Variants in ARHGEF1 observed in about 807,000 individuals in gnomAD.
ARHGEF1 encodes the protein Rho guanine nucleotide exchange factor 1.
In ARHGEF1, 40 loss-of-function variants were observed where a neutral mutation model predicts 119.7. That is an observed-to-expected ratio of 0.33 (90% CI 0.26 to 0.44). The LOEUF is 0.44. Among genes scored for constraint, ARHGEF1 ranks in the 20% least tolerant of loss-of-function variants. The pLI is 1.00. For missense variants in ARHGEF1, 976 were observed against 1,268.3 expected, an observed-to-expected ratio of 0.77 and a Z score of 3.50; for synonymous variants, 494 against 521.0, an observed-to-expected ratio of 0.95 and a Z score of 0.71.
In ARHGEF1 at chr19:41,907,209, C is replaced by A; in HGVS notation, c.*122C>A. On this transcript the variant is annotated 3_prime_UTR_variant, in exon 29 of 29. Transcript: ENST00000354532. ...ACCCCGAGGGCCTGAGGAGAGGGAG[C>A]TGTGGGCCACGCCTGGGAGGGGCCC... is the stretch of plus-strand genomic sequence containing the variant. The A allele has an allele frequency of 6.6e-7, 1 of 1,518,800 alleles. No individual in the cohort carries two copies. The highest frequency in any genetic ancestry group is 8.8e-7 in the Non-Finnish European group (1 of 1,139,210). The allele number at this position is 1,518,800 out of a possible 1,614,324, so 94.1% of individuals were successfully genotyped here. A position where few individuals can be genotyped will look rare whatever the true frequency, so the allele number is the denominator to read the frequency against.
chr19:41,910,467 G>A (rs1419960972), downstream of ARHGEF1, among the ~76,000 whole-genome samples: 1 of 152,064 alleles, frequency 6.6e-6, no homozygotes, highest in African/African-American at 2.4e-5. The surrounding 1 kb of genome is among the most constrained non-coding windows in gnomAD (Gnocchi z 4.4). Flanking sequence ...ACTGCCCCCA[G>A]CCAGCCCTAG....
At chr19:41,921,940 TCTC>T (rs782095689), upstream of ARHGEF1, among the ~76,000 whole-genome samples, 17 of 86,614 alleles carry the variant, frequency 2.0e-4, no homozygotes, top group Non-Finnish European at 3.6e-4. The surrounding 1 kb of genome is among the most constrained non-coding windows in gnomAD (Gnocchi z 4.4). Flanking sequence ...ATCCTCTACC[TCTC>T]CTCCTGGTCC....
At chr19:41,896,320 T>C in intron 12 of ARHGEF1, 57 bp from the exon 13 acceptor site, 1 of 928,362 alleles carries the variant, frequency 1.1e-6, no homozygotes, top group East Asian at 3.0e-5. Context: ...GCCCCCAGAG[T>C]GTGGGTCTCG....
chr19:41,909,360 T>C, downstream of ARHGEF1: 1 of 1,236,040 alleles, frequency 8.1e-7, no homozygotes, highest in East Asian at 3.2e-5. This position sits in a 1 kb window ranked among gnomAD's most constrained non-coding sequence, Gnocchi z 5.2. Context: ...CAGTGGCAGC[T>C]GCCGCCATGT....
At chr19:41,929,930 C>T (rs560220979) in exon 3 of ARHGEF1, 20 of 152,360 alleles carry the variant, frequency 1.3e-4, no homozygotes, top group African/African-American at 4.3e-4. Flanking sequence ...TCACCACTCA[C>T]TCAGGCAAGT....
Position 41,902,326 on chromosome 19 carries a change from C to T in ARHGEF1, c.1467C>T (p.Ile489=), listed in dbSNP as rs782091470. Reference sequence around the variant, plus strand: ...GGAGGCAGGAGAGTGGCTACCTCATCGAGGAGATCGGAGACGTGCTGCTGG... The same window carrying T: ...GGAGGCAGGAGAGTGGCTACCTCATTGAGGAGATCGGAGACGTGCTGCTGG... The part of the protein sequence containing the change: ...MKRRQESGYL[I]EEIGDVLLAR... The change falls in exon 16 of 29, where the codon ATC becomes ATT. Residue 489 remains isoleucine (I), a synonymous_variant. Transcript: ENST00000354532. This position sits in a 1 kb window ranked among gnomAD's most constrained non-coding sequence, Gnocchi z 6.5. 10 of 1,614,118 alleles carry T rather than the reference C, an allele frequency of 6.2e-6. No individual in the cohort carries two copies. The highest frequency in any genetic ancestry group is 3.3e-5 in the Admixed American group (2 of 60,028).
chr19:41,901,635 T>C (rs919179381), intron 14 of ARHGEF1, among the ~76,000 whole-genome samples: 1 of 152,088 alleles, frequency 6.6e-6, no homozygotes, highest in Non-Finnish European at 1.5e-5. Context: ...AAATTTTTGG[T>C]AGAAACAGGG....
At chr19:41,920,476 A>C (rs1555852371), upstream of ARHGEF1, among the ~76,000 whole-genome samples, 3 of 149,032 alleles carry the variant, frequency 2.0e-5, no homozygotes, top group Non-Finnish European at 4.5e-5. Flanking sequence ...TGATGAACTC[A>C]CAGACGTGAC....
In ARHGEF1 at chr19:41,888,892, G is replaced by A. The variant is rs201818628; in HGVS notation, c.225+27G>A. ...TGAGGGCAGGGCTGGGTGGGCACAG[G>A]GAGGGGTGGGGCTGGGACAGGCACA... On this transcript the variant is annotated intron_variant, in intron 4 of 28. Transcript: ENST00000354532. The surrounding 1 kb of genome is among the most constrained non-coding windows in gnomAD (Gnocchi z 5.1). The A allele has an allele frequency of 6.3e-7, 1 of 1,583,502 alleles. No individual in the cohort carries two copies. Among genetic ancestry groups the A allele is most frequent in the African/African-American group, 1.3e-5 (1 of 74,264 alleles).
At chr19:41,925,203 A>C (rs1555853134) in intron 1 of ARHGEF1, among the ~76,000 whole-genome samples, 1 of 152,070 alleles carries the variant, frequency 6.6e-6, no homozygotes, top group South Asian at 2.1e-4. Flanking sequence ...AAATGATTTG[A>C]ATGTGTTACC....
At position 41,905,229 on chromosome 19, in the gene ARHGEF1, C is replaced by G. The variant is rs782690423; in HGVS notation, c.2304C>G (p.Ala768=). The G allele has an allele frequency of 9.3e-6, 15 of 1,613,874 alleles. No individual in the cohort carries two copies. In the South Asian group the frequency reaches 1.5e-4, roughly 17 times the overall value. Reference sequence around the variant, plus strand: ...GATCCCTGAAAGTCCCTGCCCCTGCCTCTCGCCCTAAGCCCCGGCCCAGCC... The same window carrying G: ...GATCCCTGAAAGTCCCTGCCCCTGCGTCTCGCCCTAAGCCCCGGCCCAGCC... The part of the protein sequence containing the change: ...TAGSLKVPAP[A]SRPKPRPSPS... Residue 768 remains alanine, a synonymous_variant, in exon 24 of 29, where the codon GCC becomes GCG. Coordinates refer to ENST00000354532, the MANE Select transcript of ARHGEF1 (RefSeq NM_004706.4). The surrounding 1 kb of genome is among the most constrained non-coding windows in gnomAD (Gnocchi z 6.4).
In ARHGEF1 at chr19:41,903,314, C is replaced by T; in HGVS notation, c.1746C>T (p.Pro582=). The T allele has an allele frequency of 6.2e-7, 1 of 1,613,882 alleles. No individual in the cohort carries two copies. The highest frequency in any genetic ancestry group is 2.2e-5 in the East Asian group (1 of 44,866). The change falls in exon 19 of 29, where the codon CCC becomes CCT. Residue 582 remains proline (P), a synonymous_variant. Coordinates refer to ENST00000354532, the MANE Select transcript of ARHGEF1 (RefSeq NM_004706.4). The surrounding 1 kb of genome is among the most constrained non-coding windows in gnomAD (Gnocchi z 4.2). ...LQSIGQNTEE[P]TEREKVELAA... ...TCTCTCCCTTGCCTGCAGAAGAGCC[C>T]ACAGAACGGGAGAAAGTGGAGCTGG...
At chr19:41,910,507 G>C (rs77890934), downstream of ARHGEF1, among the ~76,000 whole-genome samples, 1,167 of 152,186 alleles carry the variant, frequency 7.7e-3, 14 homozygotes, top group African/African-American at 0.027. The surrounding 1 kb of genome is among the most constrained non-coding windows in gnomAD (Gnocchi z 4.4). Flanking sequence ...ACCCTGCGGT[G>C]CCCTCAGCTC....
chr19:41,909,027 G>GC (rs1358065878), downstream of ARHGEF1: 1 of 1,173,916 alleles, frequency 8.5e-7, no homozygotes, highest in Non-Finnish European at 1.1e-6. The surrounding 1 kb of genome is among the most constrained non-coding windows in gnomAD (Gnocchi z 5.2). Flanking sequence ...CTCCCACTGT[G>GC]CCCCCAGCAC....
At chr19:41,924,273 G>A (rs2074859163) in intron 1 of ARHGEF1, among the ~76,000 whole-genome samples, 1 of 152,034 alleles carries the variant, frequency 6.6e-6, no homozygotes, top group South Asian at 2.1e-4. Context: ...GGATGGCTAG[G>A]AGGGCAGTCT....
rs373930607 is a variant in ARHGEF1 at position 41,914,606 on chromosome 19, C to A, written c.1865+7803C>A. ...CCCTCCCTTTCCACCATCTCTGTCT[C>A]TCCCTCCCCTTCCACCATCTCTGTC... On this transcript the variant is annotated intron_variant, in intron 18 of 20. Coordinates refer to the ARHGEF1 transcript ENST00000599589. Among the ~76,000 whole-genome samples the A allele has an allele frequency of 4.5e-4, 27 of 59,578 alleles. 2 individuals are homozygous for A. Among genetic ancestry groups the A allele is most frequent in the East Asian group, 1.7e-3 (3 of 1,806 alleles). The allele number at this position is 59,578 out of a possible 152,430, so 39.1% of individuals were successfully genotyped here. A position where few individuals can be genotyped will look rare whatever the true frequency, so the allele number is the denominator to read the frequency against.
chr19:41,907,957 C>T (rs1480549772), downstream of ARHGEF1: 39 of 375,504 alleles, frequency 1.0e-4, no homozygotes, highest in Admixed American at 1.8e-3. Context: ...AGGCTGGGCG[C>T]CATATTGCAC....
intron 11 of ARHGEF1, 51 bp downstream of exon 11, chr19:41,894,712 G>T: frequency 6.2e-6 from 10 of 1,607,050 alleles, no homozygotes; most frequent in Non-Finnish European, 8.5e-6. Context: ...TGTGGGAGAG[G>T]CTAGGACCTG....
rs782033391 is a variant in ARHGEF1, at chr19:41,888,799, G to A, written c.159G>A (p.Lys53=). ...AGTTCCAGAGCCTGGAGCAGGTGAA[G>A]CGGCGCCCAGCCCACCTCATGGCCC... ...NSQFQSLEQV[K]RRPAHLMALL... The change falls in exon 4 of 29, where the codon AAG becomes AAA. Residue 53 remains lysine (K), a synonymous_variant. Coordinates refer to ENST00000354532, the MANE Select transcript of ARHGEF1 (RefSeq NM_004706.4). This position sits in a 1 kb window ranked among gnomAD's most constrained non-coding sequence, Gnocchi z 5.1. The A allele has an allele frequency of 4.3e-6, 7 of 1,614,254 alleles. No individual in the cohort carries two copies. In the South Asian group the frequency reaches 6.6e-5, roughly 15 times the overall value.
Sources: gnomAD v4.1 joint callset for allele counts (sites outside exome capture counted in the v4.1 genomes callset) on GRCh38, gnomAD v4.1.1 for gene constraint, Gnocchi (gnomAD v3.1) non-coding constraint, MANE v1.5 for transcripts, NCBI Gene and HGNC (gene_info 2026-07-23, HGNC 2026-07-21) for gene names.